The following DNAH2 variants were observed in gnomAD, a reference collection of about 807,000 sequenced individuals.
DNAH2 encodes the protein axonemal beta dynein heavy chain 2.
In DNAH2, 323 loss-of-function variants were observed where a neutral mutation model predicts 523.5. That is an observed-to-expected ratio of 0.62 (90% CI 0.56 to 0.68). DNAH2 has a LOEUF of 0.68. Ranked by LOEUF, DNAH2 falls within the 30% of genes least tolerant of loss-of-function variation. The probability of loss-of-function intolerance (pLI) is 0.00; values close to 1 mark genes in which losing one functional copy is unlikely to be tolerated. For missense variants in DNAH2, 4,907 were observed against 5,701.5 expected, an observed-to-expected ratio of 0.86 and a Z score of 4.49; for synonymous variants, 2,093 against 2,177.4, an observed-to-expected ratio of 0.96 and a Z score of 1.08.
At position 7,797,799 on chromosome 17, in the gene DNAH2, C is replaced by G. The variant is rs1397107664; in HGVS notation, c.8200C>G (p.Leu2734Val). ...GTCACCCTCTGTCGTGCCCATGCAG[C>G]TAGTGCTCTTCCGAGAGGCTATTGA... is the stretch of plus-strand genomic sequence containing the variant. Reference protein sequence around the residue: ...NLSPSVVPMQLVLFREAIEHI... With the variant: ...NLSPSVVPMQVVLFREAIEHI... The change falls in exon 53 of 86, where the codon CTA becomes GTA. Residue 2734 changes from leucine to valine, a missense_variant. By Grantham distance (32) the Leu-to-Val change is conservative. Around this residue, in one of 3 missense-constraint regions of DNAH2, gnomAD observed 250 missense variants for 371.3 expected, o/e 0.67. Coordinates refer to ENST00000572933, the MANE Select transcript of DNAH2 (RefSeq NM_020877.5). 6.2e-7 allele frequency: 1 copy of G among 1,613,524 alleles called. No individual in the cohort carries two copies. The highest frequency in any genetic ancestry group is 1.3e-5 in the African/African-American group (1 of 74,926).
intron 5 of DNAH2, 112 bp downstream of exon 5, chr17:7,733,427 C>T: frequency 2.1e-6 from 2 of 954,608 alleles, no homozygotes; most frequent in Non-Finnish European, 3.1e-6. Flanking sequence ...AAGTATTCAG[C>T]ATGCTTATCG....
Position 7,728,456 on chromosome 17 carries a change from GA to G in DNAH2, c.399+1166del, listed in dbSNP as rs1383433341. ...AAGCATTCTGCGTTGAACATGGGCA[GA>G]AGAACTTTTGCCCTGTGCACTGGCA... On this transcript the variant is annotated intron_variant, in intron 4 of 85. Coordinates refer to ENST00000572933, the MANE Select transcript of DNAH2 (RefSeq NM_020877.5). Among the ~76,000 whole-genome samples, 3 of 152,172 alleles carry G rather than the reference GA, an allele frequency of 2.0e-5. No individual in the cohort carries two copies. The East Asian group carries it at 5.8e-4, about 29-fold the overall frequency.
Position 7,776,874 on chromosome 17 carries a change from C to G in DNAH2, c.5043C>G (p.Val1681=), listed in dbSNP as rs1043413987. The part of the protein sequence containing the change: ...KERADKKILK[V]MKKNQVSILN... ...GGGCAGACAAGAAAATCCTCAAGGTCATGAAGAAGAACCAGGTGAGAGGCT... is the reference window on the plus strand; with the variant it reads ...GGGCAGACAAGAAAATCCTCAAGGTGATGAAGAAGAACCAGGTGAGAGGCT... Residue 1681 remains valine (V), a synonymous_variant, in exon 32 of 86, where the codon GTC becomes GTG. Transcript: ENST00000572933. 1.2e-6 allele frequency: 2 copies of G among 1,611,326 alleles called. No individual in the cohort carries two copies. The highest frequency in any genetic ancestry group is 3.3e-5 in the Admixed American group (2 of 59,870).
chr17:7,723,254 G>A (rs979454355), intron 2 of DNAH2, among the ~76,000 whole-genome samples: 6 of 138,362 alleles, frequency 4.3e-5, no homozygotes, highest in African/African-American at 1.1e-4. Flanking sequence ...ACAGGTGTGA[G>A]CCACTGTACC....
In DNAH2 at chr17:7,807,523, T is replaced by C. The variant is rs1191504505; in HGVS notation, c.9666T>C (p.Ala3222=). ...AGCCCAAGCGAATCCGAATGAACGC[T>C]GCCTTGGCTCAGCTTCGGGAGAAGC... ...VVEPKRIRMN[A]ALAQLREKQA... is the part of the protein sequence containing the mutation. Residue 3222 remains alanine (A), a synonymous_variant, in exon 63 of 86, where the codon GCT becomes GCC. Transcript: ENST00000572933. This position sits in a 1 kb window ranked among gnomAD's most constrained non-coding sequence, Gnocchi z 5.6. 8 of 1,613,414 alleles carry C rather than the reference T, an allele frequency of 5.0e-6. No individual in the cohort carries two copies. The highest frequency in any genetic ancestry group is 6.8e-6 in the Non-Finnish European group (8 of 1,180,016).
intron 5 of DNAH2, 115 bp downstream of exon 5, chr17:7,733,430 G>A (rs1205835973): frequency 1.5e-5 from 14 of 927,748 alleles, no homozygotes; most frequent in Admixed American, 7.4e-5. Context: ...TATTCAGCAT[G>A]CTTATCGAAT....
intron 12 of DNAH2, among the ~76,000 whole-genome samples, chr17:7,747,103 T>C (rs2075539958): frequency 6.6e-6 from 1 of 151,978 alleles, no homozygotes; most frequent in Non-Finnish European, 1.5e-5. Flanking sequence ...ATATCCTGCA[T>C]ATATGAAATA....
At chr17:7,774,333 G>T (rs2076393461) in intron 28 of DNAH2, among the ~76,000 whole-genome samples, 2 of 152,108 alleles carry the variant, frequency 1.3e-5, no homozygotes, top group African/African-American at 4.8e-5. Context: ...CACATCCTGG[G>T]GGACAGAGCA....
In DNAH2 at chr17:7,722,922, C is replaced by T. The variant is rs150442954; in HGVS notation, c.167-706C>T. Among the ~76,000 whole-genome samples, 754 of 149,554 alleles carry T rather than the reference C, an allele frequency of 5.0e-3. 9 individuals carry two copies. The highest frequency in any genetic ancestry group is 0.017 in the African/African-American group (700 of 40,740). On this transcript the variant is annotated intron_variant, in intron 2 of 85. Transcript: ENST00000572933. The stretch of plus-strand genomic sequence containing the variant: ...GTGGAATTGCTGGGTCATTGGGTGG[C>T]TGTGTTTAGCTTTCTTTCTTTTCTT...
At chr17:7,824,369 C>A (rs574064743) in intron 76 of DNAH2, 65 bp downstream of exon 76, 245 of 1,479,896 alleles carry the variant, frequency 1.7e-4, no homozygotes, top group Non-Finnish European at 2.0e-4. Flanking sequence ...AACCTCCAAC[C>A]TCAATTACAC....
intron 33 of DNAH2, 84 bp from the exon 34 acceptor site, chr17:7,777,993 T>C (rs1472905581): frequency 1.5e-6 from 2 of 1,291,898 alleles, no homozygotes; most frequent in Non-Finnish European, 2.2e-6. Flanking sequence ...CCCTGACAAC[T>C]CTGAGCCCCA....
chr17:7,787,892 A>T lies in DNAH2; in HGVS notation c.6636A>T (p.Ala2212=). ...VSLLFEVEDL[A]MASPATVSRC... is the part of the protein sequence containing the mutation. ...TCCTGTTTGAAGTGGAGGACCTGGC[A>T]ATGGCCTCTCCGGCCACTGTATCCC... Residue 2212 remains alanine (A), a synonymous_variant, in exon 43 of 86, where the codon GCA becomes GCT. Transcript: ENST00000572933. 1 of 1,614,122 alleles carries T rather than the reference A, an allele frequency of 6.2e-7. No homozygotes were observed. The highest frequency in any genetic ancestry group is 1.1e-5 in the South Asian group (1 of 91,078).
chr17:7,797,523 T>A lies in DNAH2; in HGVS notation c.8073T>A (p.Pro2691=). The stretch of plus-strand genomic sequence containing the variant: ...ATCTCTGTCCCAGCAAGCGTCCTCC[T>A]ATCTTTGGTGAGCCAGGAGCTGTGA... ...FHHLCPSKRP[P]IFGDFLKEPK... is the part of the protein sequence containing the mutation. The change falls in exon 52 of 86, where the codon CCT becomes CCA. Residue 2691 remains proline (P), a synonymous_variant. Coordinates refer to ENST00000572933, the MANE Select transcript of DNAH2 (RefSeq NM_020877.5). 6 of 1,614,192 alleles carry A rather than the reference T, an allele frequency of 3.7e-6. No individual in the cohort carries two copies. Among genetic ancestry groups the A allele is most frequent in the Non-Finnish European group, 4.2e-6 (5 of 1,180,030 alleles).
At chr17:7,767,607 AC>A (rs1037838743) in intron 22 of DNAH2, among the ~76,000 whole-genome samples, 1 of 112,446 alleles carries the variant, frequency 8.9e-6, no homozygotes, top group African/African-American at 2.9e-5. Flanking sequence ...ACACTTATTT[AC>A]CTTTTTTTTT....
In DNAH2 at chr17:7,793,351, G is replaced by A. The variant is rs917946041; in HGVS notation, c.7569+146G>A. The A allele has an allele frequency of 7.7e-6, 6 of 779,800 alleles. No homozygotes were observed. The South Asian group carries it at 1.0e-4, about 13-fold the overall frequency. 48.3% of individuals were successfully genotyped at this position (779,800 alleles called of 1,614,324 possible). ...GTCCTTCTCCATGACAGCAGTTCTC[G>A]GCTCCCCACTCACGAGCCAGGCATC... On this transcript the variant is annotated intron_variant, in intron 48 of 85. Transcript: ENST00000572933.
At position 7,718,218 on chromosome 17, in the gene DNAH2, C is replaced by A. The variant is rs2074481035; in HGVS notation, c.-596C>A. The A allele has an allele frequency of 6.6e-6, 1 of 152,176 alleles. No individual in the cohort carries two copies. The highest frequency in any genetic ancestry group is 2.1e-4 in the South Asian group (1 of 4,832). The allele number at this position is 152,176 out of a possible 1,614,324, so 9.4% of individuals were successfully genotyped here. A position where few individuals can be genotyped will look rare whatever the true frequency, so the allele number is the denominator to read the frequency against. ...GTGTGGGATCGCGTGGTGAACCCCA[C>A]GGTGCATGCGCCTCAGGCTCTAGTT... On this transcript the variant is annotated 5_prime_UTR_variant, in exon 1 of 86. Transcript: ENST00000572933.
At chr17:7,724,244 G>GA (rs904129347) in intron 3 of DNAH2, among the ~76,000 whole-genome samples, 1 of 151,854 alleles carries the variant, frequency 6.6e-6, no homozygotes, top group Non-Finnish European at 1.5e-5. Flanking sequence ...AACTATCGAA[G>GA]AAAAAAATGG....
intron 12 of DNAH2, among the ~76,000 whole-genome samples, chr17:7,753,731 T>A (rs1428032416): frequency 6.6e-6 from 1 of 152,092 alleles, no homozygotes; most frequent in Non-Finnish European, 1.5e-5. Flanking sequence ...GCGGATCACC[T>A]GAGGTCAGGA....
Position 7,733,152 on chromosome 17 carries a change from G to A in DNAH2, c.465G>A (p.Glu155=). Residue 155 remains glutamate (E), a synonymous_variant, in exon 5 of 86, where the codon GAG becomes GAA. Transcript: ENST00000572933. ...APVPITWENF[E]ATVQFGTVRG... ...TTCCCATCACCTGGGAGAACTTCGA[G>A]GCAACTGTGCAGTTTGGGACGGTGC... 1 of 1,614,180 alleles carries A rather than the reference G, an allele frequency of 6.2e-7. No homozygotes were observed. Among genetic ancestry groups the A allele is most frequent in the East Asian group, 2.2e-5 (1 of 44,888 alleles).
Sources: allele counts gnomAD v4.1 joint callset (sites outside exome capture counted in the v4.1 genomes callset), GRCh38; gene constraint gnomAD v4.1.1; regional missense constraint gnomAD v4.1.1; non-coding constraint Gnocchi (gnomAD v3.1); transcripts MANE v1.5; gene names NCBI Gene and HGNC (gene_info 2026-07-23, HGNC 2026-07-21).